ABCB11: variants seen among roughly 807,000 people sequenced by gnomAD.
The protein encoded by ABCB11 is ATP binding cassette subfamily B member 11.
ABCB11 carries 95 observed loss-of-function variants against 148.0 expected under a neutral mutation model. The ratio of observed to expected loss-of-function variants is 0.64; its 90% CI spans 0.54 to 0.76. ABCB11 has a LOEUF of 0.76. Ranked by LOEUF, ABCB11 falls within the 30% of genes least tolerant of loss-of-function variation. The pLI is 0.00. For missense variants in ABCB11, 1,523 were observed against 1,617.8 expected, an observed-to-expected ratio of 0.94 and a Z score of 1.01; for synonymous variants, 591 against 555.4, an observed-to-expected ratio of 1.06 and a Z score of -0.90.
rs762475940 is a variant in ABCB11, at chr2:168,995,377, C to A, written c.583G>T (p.Val195Leu). ...MEIGWFDCNS[V>L]GELNTRFSDD... ...GAGAATCTTGTATTCAGCTCCCCCACTGAATTGCAGTCAAACCACCCTATT... is the reference window on the plus strand; with the variant it reads ...GAGAATCTTGTATTCAGCTCCCCCAATGAATTGCAGTCAAACCACCCTATT... Residue 195 changes from valine (V) to leucine (L), a missense_variant, in exon 7 of 28, where the codon GTG becomes TTG. Val to Leu is a conservative substitution (Grantham distance 32). Transcript: ENST00000650372. 6.2e-6 allele frequency: 10 copies of A among 1,612,388 alleles called. No individual in the cohort carries two copies. The highest frequency in any genetic ancestry group is 8.5e-6 in the Non-Finnish European group (10 of 1,178,938).
Position 168,920,863 on chromosome 2 carries a change from TC to T in ABCB11, c.*2758del. Among the ~76,000 whole-genome samples the T allele has an allele frequency of 6.6e-6, 1 of 152,336 alleles. No individual in the cohort carries two copies. The highest frequency in any genetic ancestry group is 2.4e-5 in the African/African-American group (1 of 41,578). On this transcript the variant is annotated 3_prime_UTR_variant, in exon 28 of 28. Coordinates refer to ENST00000650372, the MANE Select transcript of ABCB11 (RefSeq NM_003742.4). Reference sequence around the variant, plus strand: ...CCTTTGTCACTGAGCCTCAATTATTTCCCCAATTTCAAGCCCTCTTTAGACA... The same window carrying T: ...CCTTTGTCACTGAGCCTCAATTATTTCCCAATTTCAAGCCCTCTTTAGACA...
At chr2:169,024,056 G>A (rs1210340824) in intron 1 of ABCB11, among the ~76,000 whole-genome samples, 1 of 152,104 alleles carries the variant, frequency 6.6e-6, no homozygotes, top group Non-Finnish European at 1.5e-5. Flanking sequence ...GGAGGGCAGT[G>A]GGGAGAGCAT....
chr2:168,934,255 A>G (rs1378080942), intron 23 of ABCB11, among the ~76,000 whole-genome samples: 1 of 152,082 alleles, frequency 6.6e-6, no homozygotes, highest in East Asian at 1.9e-4. Flanking sequence ...GGTGTAGTGG[A>G]GTGGGAGAGA....
Position 169,016,786 on chromosome 2 carries a change from C to T in ABCB11, c.90G>A (p.Lys30=). ...TGAAATCAGTCACTTACCTTGATTT[C>T]TTATCATTATTATCTGTCAGAAAAA... The part of the protein sequence containing the change: ...FESDKSYNND[K]KSRLQDEKKG... Residue 30 remains lysine (K), a synonymous_variant, in exon 3 of 28, where the codon AAG becomes AAA. Transcript: ENST00000650372. The T allele has an allele frequency of 1.3e-6, 2 of 1,596,058 alleles. No homozygotes were observed. The highest frequency in any genetic ancestry group is 1.7e-5 in the Admixed American group (1 of 58,390).
chr2:168,997,435 T>C (rs184849984), intron 5 of ABCB11, among the ~76,000 whole-genome samples: 5 of 152,136 alleles, frequency 3.3e-5, no homozygotes, highest in Admixed American at 2.0e-4. Flanking sequence ...TTGGCATTTT[T>C]CCCAGCAGCA....
intron 13 of ABCB11, among the ~76,000 whole-genome samples, chr2:168,972,705 T>C (rs1470403722): frequency 6.6e-6 from 1 of 152,066 alleles, no homozygotes; most frequent in Non-Finnish European, 1.5e-5. Flanking sequence ...TAATACTATA[T>C]GCATGATAGA....
chr2:168,963,424 T>C (rs1693162091), intron 18 of ABCB11, among the ~76,000 whole-genome samples: 1 of 151,552 alleles, frequency 6.6e-6, no homozygotes, highest in Admixed American at 6.6e-5. Flanking sequence ...CGAAGGGTGG[T>C]AGGGGAATGA....
chr2:168,920,067 G>A (rs913383643), downstream of ABCB11, among the ~76,000 whole-genome samples: 1 of 151,860 alleles, frequency 6.6e-6, no homozygotes, highest in Non-Finnish European at 1.5e-5. Flanking sequence ...GGTTTCGCCA[G>A]GTTGCCCAGG....
At chr2:168,961,188 C>T (rs1460952185) in intron 18 of ABCB11, among the ~76,000 whole-genome samples, 2 of 151,750 alleles carry the variant, frequency 1.3e-5, no homozygotes, top group Non-Finnish European at 2.9e-5. Flanking sequence ...ATGATGCATT[C>T]ATAGTTCAAT....
chr2:168,964,054 T>C (rs1210323343), intron 18 of ABCB11, among the ~76,000 whole-genome samples, 152 bp downstream of exon 18: 3 of 151,784 alleles, frequency 2.0e-5, no homozygotes, highest in Non-Finnish European at 4.4e-5. Context: ...AACTTAGAGT[T>C]TTCATTAGGT....
chr2:168,991,276 A>G (rs1455464198), intron 8 of ABCB11, among the ~76,000 whole-genome samples: 1 of 152,146 alleles, frequency 6.6e-6, no homozygotes, highest in Non-Finnish European at 1.5e-5. Context: ...TGGCCATTGC[A>G]TAATTTATAG....
chr2:168,957,831 T>C, intron 19 of ABCB11, 133 bp downstream of exon 19: 2 of 912,454 alleles, frequency 2.2e-6, no homozygotes, highest in Non-Finnish European at 3.0e-6. Flanking sequence ...GCTTAGGAAA[T>C]TTTTCATTCT....
rs1691225233 is a variant in ABCB11, at chr2:168,924,654, T to TAA, written c.3765+2_3765+3insTT. On this transcript the variant is annotated splice_region_variant and intron_variant, in intron 27 of 27. Coordinates refer to ENST00000650372, the MANE Select transcript of ABCB11 (RefSeq NM_003742.4). ...TCTAAGACTTTAGAAATTCAACACT[T>TAA]ACCTTTTCACTTTCTGTGTCTAAGG... 6.2e-7 allele frequency: 1 copy of TAA among 1,613,574 alleles called. No homozygotes were observed. Among genetic ancestry groups the TAA allele is most frequent in the African/African-American group, 1.3e-5 (1 of 74,900 alleles).
intron 19 of ABCB11, among the ~76,000 whole-genome samples, chr2:168,956,522 A>C (rs1332657147): frequency 6.6e-6 from 1 of 151,662 alleles, no homozygotes; most frequent in Non-Finnish European, 1.5e-5. Context: ...GGGTTCATGC[A>C]GTAGTGTGAT....
intron 5 of ABCB11, among the ~76,000 whole-genome samples, chr2:169,003,695 T>C (rs1694945025): frequency 6.6e-6 from 1 of 152,154 alleles, no homozygotes; most frequent in Admixed American, 6.5e-5. Context: ...GTTGTACTAG[T>C]TTACATTCCC....
At position 169,012,165 on chromosome 2, in the gene ABCB11, G is replaced by A. The variant is rs192033349; in HGVS notation, c.389+1107C>T. 1.3e-4 allele frequency among the ~76,000 whole-genome samples: 20 copies of A among 152,268 alleles called. No individual in the cohort carries two copies. In the East Asian group the frequency reaches 3.7e-3, roughly 28 times the overall value. Reference sequence around the variant, plus strand: ...TATAGAAAATTTCAAAAATGAAGGTGAAAACTATAAATTCCTCTGAGGGAG... The same window carrying A: ...TATAGAAAATTTCAAAAATGAAGGTAAAAACTATAAATTCCTCTGAGGGAG... On this transcript the variant is annotated intron_variant, in intron 5 of 27. Coordinates refer to ENST00000650372, the MANE Select transcript of ABCB11 (RefSeq NM_003742.4).
chr2:168,953,405 A>G (rs1188909155), intron 19 of ABCB11, among the ~76,000 whole-genome samples: 1 of 147,258 alleles, frequency 6.8e-6, no homozygotes, highest in African/African-American at 2.5e-5. Context: ...ATATATTTAG[A>G]ATTGTTATAA....
In ABCB11 at chr2:168,998,141, G is replaced by A. The variant is rs544182713; in HGVS notation, c.390-1419C>T. On this transcript the variant is annotated intron_variant, in intron 5 of 27. Coordinates refer to ENST00000650372, the MANE Select transcript of ABCB11 (RefSeq NM_003742.4). ...TAAAAGCTAAATATCTCTGAACAGA[G>A]AGTATACTATATTATTATAAGTAAA... Among the ~76,000 whole-genome samples the A allele has an allele frequency of 1.2e-4, 19 of 152,116 alleles. 1 individual carries two copies. In the South Asian group the frequency reaches 3.5e-3, roughly 28 times the overall value.
At position 168,968,603 on chromosome 2, in the gene ABCB11, A is replaced by C. The variant is rs1574445510; in HGVS notation, c.2012-113T>G. ...TATAATTACTATGTCAAATGCCAAAACATTCTGTTAACTTTATTGCAATAA... is the reference window on the plus strand; with the variant it reads ...TATAATTACTATGTCAAATGCCAAACCATTCTGTTAACTTTATTGCAATAA... On this transcript the variant is annotated intron_variant, in intron 16 of 27. Transcript: ENST00000650372. The C allele has an allele frequency of 1.1e-5, 9 of 843,100 alleles. No individual in the cohort carries two copies. The East Asian group carries it at 2.5e-4, about 23-fold the overall frequency. 52.2% of individuals were successfully genotyped at this position (843,100 alleles called of 1,614,324 possible). A position where few individuals can be genotyped will look rare whatever the true frequency, so the allele number is the denominator to read the frequency against.
Sources: allele counts gnomAD v4.1 joint callset (sites outside exome capture counted in the v4.1 genomes callset), GRCh38; gene constraint gnomAD v4.1.1; transcripts MANE v1.5; gene names NCBI Gene and HGNC (gene_info 2026-07-23, HGNC 2026-07-21).